Variants in ANKRD11 observed in about 807,000 individuals in gnomAD.
The protein encoded by ANKRD11 is ankyrin repeat domain 11, also known as ankyrin repeat domain-containing protein 11.
Under a neutral mutation model 195.7 loss-of-function variants are expected in ANKRD11, and 17 were observed. The observed-to-expected ratio is 0.09, with a 90% CI of 0.06 to 0.13. ANKRD11 has a LOEUF of 0.13. Ranked by LOEUF, ANKRD11 falls within the 10% of genes least tolerant of loss-of-function variation. The pLI, the probability that ANKRD11 is intolerant of heterozygous loss-of-function variation, is 1.00. For synonymous variants in ANKRD11, 1,953 were observed against 1,528.1 expected (o/e 1.28, Z -6.49); for missense variants, 3,735 against 3,566.1 (o/e 1.05, Z -1.21).
At position 89,474,213 on chromosome 16, in the gene ANKRD11, G is replaced by A. The variant is rs186089446; in HGVS notation, c.-145+16032C>T. 1.7e-3 allele frequency among the ~76,000 whole-genome samples: 264 copies of A among 152,214 alleles called. 9 individuals are homozygous for A. Among genetic ancestry groups the A allele is most frequent in the Admixed American group, 0.014 (221 of 15,290 alleles). ...CCCACCCAACACCTAGATTGCAACC[G>A]GATGAAACCCTGAGCAGAGGATCCC... On this transcript the variant is annotated intron_variant, in intron 1 of 12. Coordinates refer to ENST00000301030, the MANE Select transcript of ANKRD11 (RefSeq NM_013275.6).
intron 2 of ANKRD11, among the ~76,000 whole-genome samples, chr16:89,319,208 T>C (rs1240031872): frequency 3.3e-5 from 5 of 152,066 alleles, no homozygotes; most frequent in Admixed American, 3.3e-4. Flanking sequence ...TCTGGCGTGG[T>C]CAGGGCGCAG....
At chr16:89,332,174 A>C (rs1192145866) in intron 2 of ANKRD11, among the ~76,000 whole-genome samples, 2 of 152,210 alleles carry the variant, frequency 1.3e-5, no homozygotes, top group Non-Finnish European at 2.9e-5. Flanking sequence ...CAGAAGCTGC[A>C]GAATGTGTCA....
chr16:89,401,002 G>A (rs932203385), intron 2 of ANKRD11, among the ~76,000 whole-genome samples: 1 of 152,162 alleles, frequency 6.6e-6, no homozygotes, highest in Non-Finnish European at 1.5e-5. Context: ...AGACCAAGAT[G>A]GAAAGGGAGG....
intron 1 of ANKRD11, among the ~76,000 whole-genome samples, chr16:89,427,567 C>A (rs1250120937): frequency 6.6e-6 from 1 of 152,086 alleles, no homozygotes. Flanking sequence ...GAGGCCGAGG[C>A]GGGAGGATCA....
intron 1 of ANKRD11, among the ~76,000 whole-genome samples, chr16:89,484,326 C>A (rs1024673408): frequency 1.3e-5 from 2 of 152,134 alleles, no homozygotes; most frequent in Non-Finnish European, 2.9e-5. Context: ...TCCTTCACTG[C>A]GTCTTACCTT....
At chr16:89,482,084 C>T (rs1015697119) in intron 1 of ANKRD11, among the ~76,000 whole-genome samples, 1 of 152,176 alleles carries the variant, frequency 6.6e-6, no homozygotes, top group Non-Finnish European at 1.5e-5. Flanking sequence ...GGCCACAGCA[C>T]TGCACCCAGT....
chr16:89,412,941 C>T lies in ANKRD11; in HGVS notation c.-60+5343G>A, dbSNP rs567613204. ...CAGCAGAGGTCCCAGCACTCAGAGC[C>T]GGATTCCAGCTAAAAGCACACATGA... On this transcript the variant is annotated intron_variant, in intron 2 of 12. Transcript: ENST00000301030. Among the ~76,000 whole-genome samples the T allele has an allele frequency of 2.6e-5, 4 of 152,240 alleles. No individual in the cohort carries two copies. The South Asian group carries it at 6.2e-4, about 24-fold the overall frequency.
chr16:89,402,808 G>A (rs1480464915), intron 2 of ANKRD11, among the ~76,000 whole-genome samples: 8 of 140,882 alleles, frequency 5.7e-5, no homozygotes, highest in South Asian at 2.5e-4. Flanking sequence ...GGGGTTCTGC[G>A]GAATGAGGTT....
intron 1 of ANKRD11, among the ~76,000 whole-genome samples, chr16:89,455,269 C>T (rs573366982): frequency 5.3e-5 from 8 of 150,234 alleles, no homozygotes; most frequent in African/African-American, 2.0e-4. Flanking sequence ...CAAGCTGCTC[C>T]CCTGGGTGCT....
At chr16:89,353,277 G>A (rs574242634) in intron 2 of ANKRD11, among the ~76,000 whole-genome samples, 45 of 151,930 alleles carry the variant, frequency 3.0e-4, no homozygotes, top group African/African-American at 1.1e-3. Context: ...AGGAGGCGGA[G>A]GTTGCAGTGA....
chr16:89,284,580 C>G lies in ANKRD11; in HGVS notation c.1962G>C (p.Leu654Phe), dbSNP rs546583990. The change falls in exon 9 of 13, where the codon TTG becomes TTC. Residue 654 changes from leucine (L) to phenylalanine (F), a missense_variant. Leu to Phe is a conservative substitution (Grantham distance 22, BLOSUM62 0). Transcript: ENST00000301030. ...GQCSISQELKLKSFTYEYEDS... is the reference protein window; with the variant it reads ...GQCSISQELKFKSFTYEYEDS... ...CCTCATATTCGTAAGTAAAACTTTTCAACTTCAGCTCTTGGCTGATGGAAC... is the reference window on the plus strand; with the variant it reads ...CCTCATATTCGTAAGTAAAACTTTTGAACTTCAGCTCTTGGCTGATGGAAC... 8.1e-6 allele frequency: 13 copies of G among 1,614,152 alleles called. No homozygotes were observed. The highest frequency in any genetic ancestry group is 1.1e-5 in the Non-Finnish European group (13 of 1,180,046).
At chr16:89,295,141 G>A (rs974866182) in intron 4 of ANKRD11, among the ~76,000 whole-genome samples, 4 of 152,192 alleles carry the variant, frequency 2.6e-5, no homozygotes, top group African/African-American at 7.2e-5. Context: ...CTCTGACCCC[G>A]GGGTGGGGGT....
At position 89,465,382 on chromosome 16, in the gene ANKRD11, T is replaced by A. The variant is rs1233180922; in HGVS notation, c.-145+24863A>T. ...CCTAAAAAGCTTAACTAAAAAAGAA[T>A]CATGAATTAGACTGGCGTTGGACTT... On this transcript the variant is annotated intron_variant, in intron 1 of 12. Coordinates refer to ENST00000301030, the MANE Select transcript of ANKRD11 (RefSeq NM_013275.6). Among the ~76,000 whole-genome samples, 4 of 152,132 alleles carry A rather than the reference T, an allele frequency of 2.6e-5. No homozygotes were observed. In the East Asian group the frequency reaches 7.7e-4, roughly 29 times the overall value.
At chr16:89,435,243 T>C (rs2043163006) in intron 1 of ANKRD11, among the ~76,000 whole-genome samples, 1 of 152,138 alleles carries the variant, frequency 6.6e-6, no homozygotes, top group Admixed American at 6.5e-5. Flanking sequence ...ATCAGCATTC[T>C]GTAAAAATGG....
intron 1 of ANKRD11, among the ~76,000 whole-genome samples, chr16:89,458,427 T>C (rs2056530527): frequency 6.6e-6 from 1 of 152,132 alleles, no homozygotes; most frequent in Non-Finnish European, 1.5e-5. Context: ...GGTTTCACCA[T>C]GTTAGCCAGG....
chr16:89,341,576 C>A (rs1468351335), intron 2 of ANKRD11, among the ~76,000 whole-genome samples: 3 of 152,152 alleles, frequency 2.0e-5, no homozygotes, highest in African/African-American at 4.8e-5. Context: ...AAAAAAAATT[C>A]CAGATTAAAG....
At chr16:89,338,420 C>G (rs1216060041) in intron 2 of ANKRD11, among the ~76,000 whole-genome samples, 1 of 116,416 alleles carries the variant, frequency 8.6e-6, no homozygotes, top group Non-Finnish European at 1.7e-5. Flanking sequence ...AACATACACT[C>G]TGTTAAAAAA....
chr16:89,278,963 A>G lies in ANKRD11; in HGVS notation c.7470+109T>C, dbSNP rs868469364. 7 of 1,507,372 alleles carry G rather than the reference A, an allele frequency of 4.6e-6. No individual in the cohort carries two copies. The Middle Eastern group carries it at 1.0e-3, about 218-fold the overall frequency. The allele number at this position is 1,507,372 out of a possible 1,614,324, so 93.4% of individuals were successfully genotyped here. On this transcript the variant is annotated intron_variant, in intron 9 of 12. Transcript: ENST00000301030. ...TCCTCAGGTGGCAGAAGGTCGAGAG[A>G]GGTCAAGGGCCATGAGTGGGACAAG...
intron 1 of ANKRD11, among the ~76,000 whole-genome samples, chr16:89,468,940 A>G (rs1176336809): frequency 1.3e-5 from 2 of 152,252 alleles, no homozygotes; most frequent in Admixed American, 1.3e-4. Context: ...AATGATAAAT[A>G]AATGTAAAAG....
Sources: gnomAD v4.1 joint callset for allele counts (sites outside exome capture counted in the v4.1 genomes callset) on GRCh38, gnomAD v4.1.1 for gene constraint, MANE v1.5 for transcripts, NCBI Gene and HGNC (gene_info 2026-07-23, HGNC 2026-07-21) for gene names.